Variants in PACC1 observed in about 807,000 individuals in gnomAD.
PACC1 encodes the protein proton activated chloride channel 1, also known as proton-activated chloride channel.
In PACC1, 34 loss-of-function variants were observed where a neutral mutation model predicts 39.7. That is an observed-to-expected ratio of 0.86 (90% confidence interval 0.65 to 1.14). The LOEUF is 1.14. PACC1 is among the 50% of genes most tolerant of loss of function. PACC1 has a pLI of 0.00. For missense variants in PACC1, 379 were observed against 436.4 expected (o/e 0.87, Z 1.17); for synonymous variants, 127 against 160.6 (o/e 0.79, Z 1.58).
At chr1:212,398,330 T>C (rs1335187385) in intron 2 of PACC1, among the ~76,000 whole-genome samples, 1 of 152,220 alleles carries the variant, frequency 6.6e-6, no homozygotes, top group Non-Finnish European at 1.5e-5. Context: ...ACCTAAATAA[T>C]AGATGAACTA....
chr1:212,410,059 G>C (rs568906236), intron 2 of PACC1: 119 of 235,302 alleles, frequency 5.1e-4, no homozygotes, highest in African/African-American at 2.5e-3. Context: ...CAGCATTACT[G>C]GACAGGCCTA....
At chr1:212,368,028 CAG>C (rs1660305734) in intron 7 of PACC1, among the ~76,000 whole-genome samples, 1 of 152,116 alleles carries the variant, frequency 6.6e-6, no homozygotes, top group Non-Finnish European at 1.5e-5. Context: ...CAACTCAGAG[CAG>C]AGAGACTCCT....
intron 2 of PACC1, among the ~76,000 whole-genome samples, chr1:212,409,731 G>A (rs1241248909): frequency 3.9e-5 from 6 of 152,108 alleles, no homozygotes; most frequent in African/African-American, 9.7e-5. Context: ...ATAAATTTGC[G>A]GTTTGTAGGT....
chr1:212,392,318 A>G (rs1661352591), intron 2 of PACC1, among the ~76,000 whole-genome samples: 1 of 152,246 alleles, frequency 6.6e-6, no homozygotes, highest in Non-Finnish European at 1.5e-5. Context: ...TTTTCAACCC[A>G]GAATTTCATA....
chr1:212,396,026 T>G (rs892506826), intron 2 of PACC1, among the ~76,000 whole-genome samples: 6 of 152,202 alleles, frequency 3.9e-5, no homozygotes, highest in Admixed American at 3.3e-4. Context: ...GAAGACAGTG[T>G]GGCAATTCCT....
intron 7 of PACC1, among the ~76,000 whole-genome samples, chr1:212,368,050 G>C (rs1362711590): frequency 1.3e-5 from 2 of 152,108 alleles, no homozygotes; most frequent in Non-Finnish European, 2.9e-5. Flanking sequence ...TTCCCCTTGA[G>C]GGAAAGATAA....
chr1:212,387,185 G>A (rs1661134284), intron 2 of PACC1, 85 bp from the exon 3 acceptor site: 1 of 1,403,656 alleles, frequency 7.1e-7, no homozygotes, highest in Non-Finnish European at 9.8e-7. Flanking sequence ...GCCCTTGCCT[G>A]CCTCACCAAG....
intron 4 of PACC1, among the ~76,000 whole-genome samples, chr1:212,384,674 C>T (rs1423716945): frequency 6.6e-6 from 1 of 152,142 alleles, no homozygotes; most frequent in African/African-American, 2.4e-5. Flanking sequence ...AAACGCCTAC[C>T]CTGTCTTTGA....
In PACC1 at chr1:212,400,302, GAA is replaced by G. The variant is rs1661668562; in HGVS notation, c.133+10121_133+10122del. Among the ~76,000 whole-genome samples, 3 of 152,334 alleles carry G rather than the reference GAA, an allele frequency of 2.0e-5. No homozygotes were observed. The South Asian group carries it at 6.2e-4, about 32-fold the overall frequency. ...TGCCTTCATGATGGCCTTGGTTAAG[GAA>G]AGAGATGAAGTTCTCCCTACATGTT... On this transcript the variant is annotated intron_variant, in intron 2 of 7. Coordinates refer to ENST00000261455, the MANE Select transcript of PACC1 (RefSeq NM_018252.3).
At chr1:212,369,094 ATGGAGT>A (rs1478605038) in intron 7 of PACC1, among the ~76,000 whole-genome samples, 1 of 152,022 alleles carries the variant, frequency 6.6e-6, no homozygotes, top group Non-Finnish European at 1.5e-5. Context: ...TGTGAGGAGT[ATGGAGT>A]TGAAGTGTAG....
At chr1:212,371,602 C>T (rs1023744698) in intron 7 of PACC1, among the ~76,000 whole-genome samples, 1 of 151,384 alleles carries the variant, frequency 6.6e-6, no homozygotes, top group African/African-American at 2.4e-5. Context: ...TTCTATCTAA[C>T]ATTAAAAAAA....
Position 212,386,842 on chromosome 1 carries a change from G to A in PACC1, c.343+49C>T, listed in dbSNP as rs369036136. On this transcript the variant is annotated intron_variant, in intron 3 of 7. Transcript: ENST00000261455. This position sits in a 1 kb window ranked among gnomAD's most constrained non-coding sequence, Gnocchi z 5.0. ...GCAGCTCAGGGAGTATCTGCCAGCT[G>A]ACACCCTAGATCTGGGGCCCTGATG... is the stretch of plus-strand genomic sequence containing the variant. 224 of 1,582,288 alleles carry A rather than the reference G, an allele frequency of 1.4e-4. No homozygotes were observed. Among genetic ancestry groups the A allele is most frequent in the Non-Finnish European group, 1.8e-4 (206 of 1,152,288 alleles).
chr1:212,370,519 A>G (rs1259644110), intron 7 of PACC1, among the ~76,000 whole-genome samples: 2 of 152,258 alleles, frequency 1.3e-5, no homozygotes, highest in Non-Finnish European at 2.9e-5. Flanking sequence ...CACATGGAAC[A>G]TTCTCCAGGG....
At chr1:212,405,545 GTTCCTGGAGGAAC>G (rs1432323262) in intron 2 of PACC1, among the ~76,000 whole-genome samples, 1 of 152,168 alleles carries the variant, frequency 6.6e-6, no homozygotes, top group Non-Finnish European at 1.5e-5. Flanking sequence ...ATATGCCTGA[GTTCCTGGAGGAAC>G]TTACTCACCC....
chr1:212,412,980 A>ATT (rs1369450880), intron 1 of PACC1, among the ~76,000 whole-genome samples: 3 of 152,232 alleles, frequency 2.0e-5, no homozygotes, highest in Non-Finnish European at 4.4e-5. Flanking sequence ...TGACTCAATA[A>ATT]AAGTCACACA....
chr1:212,379,049 T>C (rs1284819984), intron 5 of PACC1, among the ~76,000 whole-genome samples: 2 of 151,940 alleles, frequency 1.3e-5, no homozygotes, highest in East Asian at 3.9e-4. Flanking sequence ...GTTCAATCGG[T>C]TCTCCTGCCT....
At chr1:212,383,724 T>C (rs1338273203) in intron 4 of PACC1, among the ~76,000 whole-genome samples, 2 of 152,224 alleles carry the variant, frequency 1.3e-5, no homozygotes, top group Admixed American at 1.3e-4. Flanking sequence ...GCCTCTCCCT[T>C]GCATGGGAAA....
intron 7 of PACC1, among the ~76,000 whole-genome samples, chr1:212,367,639 G>A (rs575774592): frequency 6.6e-6 from 1 of 152,210 alleles, no homozygotes; most frequent in South Asian, 2.1e-4. Context: ...GTGGGTTTGG[G>A]GTGTGATCCA....
intron 2 of PACC1, among the ~76,000 whole-genome samples, chr1:212,400,893 T>C (rs1362775402): frequency 2.6e-5 from 4 of 152,210 alleles, no homozygotes; most frequent in Non-Finnish European, 5.9e-5. Flanking sequence ...GGATCTGTGA[T>C]GGGCAATTCA....
Sources: gnomAD v4.1 joint callset for allele counts (sites outside exome capture counted in the v4.1 genomes callset) on GRCh38, gnomAD v4.1.1 for gene constraint, Gnocchi (gnomAD v3.1) non-coding constraint, MANE v1.5 for transcripts, NCBI Gene and HGNC (gene_info 2026-07-23, HGNC 2026-07-21) for gene names.